USP18: variants seen among roughly 807,000 people sequenced by gnomAD.
USP18 encodes ubl carboxyl-terminal hydrolase 18.
A neutral mutation model predicts 48.7 loss-of-function variants in USP18; 11 were observed. That is an observed-to-expected ratio of 0.23 (90% CI 0.14 to 0.37). The LOEUF is 0.37. Ranked by LOEUF, USP18 falls within the 10% of genes least tolerant of loss-of-function variation. The pLI, the probability that USP18 is intolerant of heterozygous loss-of-function variation, is 1.00. For missense variants in USP18, 285 were observed against 436.4 expected (o/e 0.65, Z 3.09); for synonymous variants, 114 against 163.2 (o/e 0.70, Z 2.30).
chr22:18,175,489 A>G lies in USP18; in HGVS notation c.1074-1283A>G, dbSNP rs532864754. Among the ~76,000 whole-genome samples the G allele has an allele frequency of 8.7e-5, 13 of 149,122 alleles. No homozygotes were observed. In the East Asian group the frequency reaches 1.7e-3, roughly 20 times the overall value. On this transcript the variant is annotated intron_variant, in intron 10 of 10. Coordinates refer to ENST00000215794, the MANE Select transcript of USP18 (RefSeq NM_017414.4). ...CAATCTTTGTCACTTTGTGGTTGTCATTGATTTCCCTGTTATTGAGATCAG... is the reference window on the plus strand; with the variant it reads ...CAATCTTTGTCACTTTGTGGTTGTCGTTGATTTCCCTGTTATTGAGATCAG...
Position 18,173,840 on chromosome 22 carries a change from C to T in USP18, c.1071C>T (p.His357=). Residue 357 remains histidine, a splice_region_variant and synonymous_variant, in exon 10 of 11, where the codon CAC becomes CAT. Coordinates refer to ENST00000215794, the MANE Select transcript of USP18 (RefSeq NM_017414.4). ...IQCTYGNPNY[H]WQETAYLLVY... is the part of the protein sequence containing the mutation. ...GTACCTACGGAAATCCTAACTACCA[C>T]TGGTAAGAAACAGATTTGGGTAATT... is the stretch of plus-strand genomic sequence containing the variant. The T allele has an allele frequency of 6.2e-7, 1 of 1,601,256 alleles. No individual in the cohort carries two copies. The highest frequency in any genetic ancestry group is 8.5e-7 in the Non-Finnish European group (1 of 1,170,090).
chr22:18,158,530 G>C (rs910454909), intron 2 of USP18, among the ~76,000 whole-genome samples: 2 of 152,144 alleles, frequency 1.3e-5, no homozygotes, highest in Non-Finnish European at 2.9e-5. Context: ...CTTTCTTACT[G>C]TCCTATCTTG....
At chr22:18,157,207 G>A (rs1177010122) in intron 1 of USP18, among the ~76,000 whole-genome samples, 2 of 152,260 alleles carry the variant, frequency 1.3e-5, no homozygotes, top group Non-Finnish European at 2.9e-5. Context: ...GGCTTCCCCT[G>A]TATGCCAGCC....
Position 18,156,776 on chromosome 22 carries a change from G to A in USP18, c.-106-782G>A, listed in dbSNP as rs114224625. ...CCGAACATCAGAAGGAATAAACTGC[G>A]GACATGCCCCCTTTAAGAACTGTAA... On this transcript the variant is annotated intron_variant, in intron 1 of 10. Coordinates refer to ENST00000215794, the MANE Select transcript of USP18 (RefSeq NM_017414.4). Among the ~76,000 whole-genome samples, 1,012 of 152,322 alleles carry A rather than the reference G, an allele frequency of 6.6e-3. 14 individuals are homozygous for A. The highest frequency in any genetic ancestry group is 0.023 in the African/African-American group (954 of 41,558).
chr22:18,175,818 A>T (rs566004432), intron 10 of USP18, among the ~76,000 whole-genome samples: 93 of 149,930 alleles, frequency 6.2e-4, no homozygotes, highest in Non-Finnish European at 1.2e-3. Flanking sequence ...CTACAAAAAA[A>T]TAAAAATTAT....
At chr22:18,158,594 G>A (rs1569209386) in intron 2 of USP18, among the ~76,000 whole-genome samples, 1 of 152,162 alleles carries the variant, frequency 6.6e-6, no homozygotes, top group Non-Finnish European at 1.5e-5. Flanking sequence ...TTCCCTTGTG[G>A]GGTCTGCTGA....
chr22:18,159,832 C>T (rs1047491844), intron 2 of USP18, among the ~76,000 whole-genome samples: 27 of 152,190 alleles, frequency 1.8e-4, no homozygotes, highest in South Asian at 2.1e-4. Flanking sequence ...CCCACCACCA[C>T]GCCCGGCTAA....
At chr22:18,152,934 T>C (rs984870377) in intron 1 of USP18, among the ~76,000 whole-genome samples, 2 of 152,188 alleles carry the variant, frequency 1.3e-5, no homozygotes, top group African/African-American at 4.8e-5. Flanking sequence ...CTGGAACCTC[T>C]CTGCTCTCTT....
intron 2 of USP18, 144 bp downstream of exon 2, chr22:18,157,964 A>G: frequency 2.5e-6 from 3 of 1,217,496 alleles, no homozygotes; most frequent in South Asian, 1.5e-5. Context: ...ATGGGGATAC[A>G]GCCTGGGCCA....
At chr22:18,161,206 C>T (rs1197719557) in intron 3 of USP18, among the ~76,000 whole-genome samples, 5 of 149,722 alleles carry the variant, frequency 3.3e-5, no homozygotes, top group African/African-American at 4.9e-5. Flanking sequence ...GGAGTACACA[C>T]CCCTCCTTCC....
intron 1 of USP18, among the ~76,000 whole-genome samples, chr22:18,152,493 G>A (rs1320096061): frequency 6.6e-6 from 1 of 151,604 alleles, no homozygotes; most frequent in African/African-American, 2.4e-5. Context: ...TAGGGTGGGA[G>A]CTAAGTTAGT....
intron 8 of USP18, among the ~76,000 whole-genome samples, chr22:18,172,402 A>G (rs550559679): frequency 6.6e-6 from 1 of 152,314 alleles, no homozygotes; most frequent in Admixed American, 6.5e-5. Flanking sequence ...TATCTGGTCA[A>G]CGTTCAGACT....
chr22:18,167,111 T>G (rs537926070), intron 4 of USP18, 144 bp from the exon 5 acceptor site: 1 of 884,636 alleles, frequency 1.1e-6, no homozygotes, highest in Admixed American at 2.6e-5. Context: ...GATCACTTCT[T>G]CTGTCGTGCC....
At chr22:18,155,133 G>A (rs1273157621) in intron 1 of USP18, among the ~76,000 whole-genome samples, 2 of 152,254 alleles carry the variant, frequency 1.3e-5, no homozygotes, top group African/African-American at 2.4e-5. Flanking sequence ...CTGTGATGGC[G>A]TGCTTGCTGC....
Position 18,159,402 on chromosome 22 carries a change from G to A in USP18, c.158-770G>A, listed in dbSNP as rs546794499. On this transcript the variant is annotated intron_variant, in intron 2 of 10. Coordinates refer to ENST00000215794, the MANE Select transcript of USP18 (RefSeq NM_017414.4). ...GATTCATGTTTGATATCTTCTCTCCGATTTGTTTGCAAGCTGAATGAACAC... is the reference window on the plus strand; with the variant it reads ...GATTCATGTTTGATATCTTCTCTCCAATTTGTTTGCAAGCTGAATGAACAC... Among the ~76,000 whole-genome samples the A allele has an allele frequency of 2.6e-5, 4 of 151,912 alleles. No individual in the cohort carries two copies. The South Asian group carries it at 6.2e-4, about 24-fold the overall frequency.
At chr22:18,151,420 A>G (rs1313277215) in intron 1 of USP18, among the ~76,000 whole-genome samples, 3 of 152,228 alleles carry the variant, frequency 2.0e-5, no homozygotes, top group Non-Finnish European at 4.4e-5. Context: ...CTGGTATTGA[A>G]CAGAGTTGGA....
chr22:18,169,811 G>A (rs1242431870), intron 6 of USP18, 33 bp from the exon 7 acceptor site: 2 of 1,554,778 alleles, frequency 1.3e-6, no homozygotes, highest in South Asian at 1.2e-5. Flanking sequence ...AAATACCAAC[G>A]CTGCTTTTTC....
chr22:18,164,951 G>C (rs954751262), intron 4 of USP18, among the ~76,000 whole-genome samples: 82 of 152,240 alleles, frequency 5.4e-4, no homozygotes, highest in African/African-American at 1.9e-3. Flanking sequence ...CTTGTGGTGC[G>C]AGTGTGTCTC....
In USP18 at chr22:18,173,188, C is replaced by T. The variant is rs368667421; in HGVS notation, c.930C>T (p.His310=). 102 of 1,610,272 alleles carry T rather than the reference C, an allele frequency of 6.3e-5. No homozygotes were observed. Among genetic ancestry groups the T allele is most frequent in the Admixed American group, 5.9e-4 (35 of 59,718 alleles). ...GQYELFAVIA[H]VGMADSGHYC... Reference sequence around the variant, plus strand: ...ATGAGCTTTTTGCTGTGATTGCGCACGTGGGAATGGCAGACTCCGGTCATT... The same window carrying T: ...ATGAGCTTTTTGCTGTGATTGCGCATGTGGGAATGGCAGACTCCGGTCATT... Residue 310 remains histidine, a synonymous_variant, in exon 9 of 11, where the codon CAC becomes CAT. Coordinates refer to ENST00000215794, the MANE Select transcript of USP18 (RefSeq NM_017414.4).
Sources: gnomAD v4.1 joint callset for allele counts (sites outside exome capture counted in the v4.1 genomes callset) on GRCh38, gnomAD v4.1.1 for gene constraint, MANE v1.5 for transcripts, NCBI Gene and HGNC (gene_info 2026-07-23, HGNC 2026-07-21) for gene names.